Variants in CAMKMT observed in about 807,000 individuals in gnomAD.
The protein encoded by CAMKMT is CaM KMT.
CAMKMT carries 53 observed loss-of-function variants against 48.0 expected under a neutral mutation model. That is an observed-to-expected ratio of 1.10 (90% confidence interval 0.89 to 1.39). The LOEUF (loss-of-function observed/expected upper bound fraction) is 1.39, where lower values mean the gene tolerates loss of function less well. CAMKMT is among the 40% of genes most tolerant of loss of function. The probability of loss-of-function intolerance (pLI) is 0.00; values close to 1 mark genes in which losing one functional copy is unlikely to be tolerated. For synonymous variants in CAMKMT, 165 were observed against 152.3 expected (o/e 1.08, Z -0.61); for missense variants, 428 against 402.7 (o/e 1.06, Z -0.54).
intron 3 of CAMKMT, among the ~76,000 whole-genome samples, chr2:44,567,213 T>G (rs1668661711): frequency 6.6e-6 from 1 of 152,146 alleles, no homozygotes; most frequent in African/African-American, 2.4e-5. Context: ...GGTTTGGTGT[T>G]GGGTTATCCA....
At chr2:44,682,882 A>G (rs1676102563) in intron 3 of CAMKMT, among the ~76,000 whole-genome samples, 1 of 152,246 alleles carries the variant, frequency 6.6e-6, no homozygotes, top group South Asian at 2.1e-4. Context: ...CTGGTAATCA[A>G]AAGAATTGTT....
intron 3 of CAMKMT, among the ~76,000 whole-genome samples, chr2:44,500,370 C>G (rs1230049529): frequency 1.3e-5 from 2 of 152,082 alleles, no homozygotes; most frequent in East Asian, 3.8e-4. Context: ...AACTATCAGA[C>G]TTCAAAAACA....
At chr2:44,525,906 G>A (rs1671380675) in intron 3 of CAMKMT, among the ~76,000 whole-genome samples, 1 of 151,628 alleles carries the variant, frequency 6.6e-6, no homozygotes, top group Non-Finnish European at 1.5e-5. Context: ...TGTGCACAAT[G>A]TGCAGGTTAG....
intron 3 of CAMKMT, among the ~76,000 whole-genome samples, chr2:44,406,388 A>G (rs1275129198): frequency 2.0e-5 from 3 of 152,110 alleles, no homozygotes; most frequent in Non-Finnish European, 4.4e-5. Context: ...TTGATTTATT[A>G]TAAGAGATAT....
At chr2:44,375,697 A>G (rs914739814) in intron 2 of CAMKMT, among the ~76,000 whole-genome samples, 2 of 152,192 alleles carry the variant, frequency 1.3e-5, no homozygotes, top group African/African-American at 4.8e-5. Context: ...CAGAATCATC[A>G]GAGGCTACTG....
In CAMKMT at chr2:44,560,999, A is replaced by T. The variant is rs112354059; in HGVS notation, c.377-143284A>T. Among the ~76,000 whole-genome samples, 283 of 152,348 alleles carry T rather than the reference A, an allele frequency of 1.9e-3. 1 individual carries two copies. The Middle Eastern group carries it at 0.027, about 15-fold the overall frequency. ...AGAGAAAATTAAATCTAAGCAAAAC[A>T]GGAATTGATAAGTATAGCTGCCTTC... is the stretch of plus-strand genomic sequence containing the variant. On this transcript the variant is annotated intron_variant, in intron 3 of 10. Coordinates refer to ENST00000378494, the MANE Select transcript of CAMKMT (RefSeq NM_024766.5).
At chr2:44,391,547 G>C (rs1681342446) in intron 3 of CAMKMT, among the ~76,000 whole-genome samples, 1 of 151,986 alleles carries the variant, frequency 6.6e-6, no homozygotes, top group Non-Finnish European at 1.5e-5. Context: ...TTTAGTTCTG[G>C]GGTAATGTTA....
At chr2:44,502,908 A>AT (rs1039799550) in intron 3 of CAMKMT, among the ~76,000 whole-genome samples, 7 of 152,074 alleles carry the variant, frequency 4.6e-5, no homozygotes, top group Non-Finnish European at 1.0e-4. Flanking sequence ...TATAGAAAAC[A>AT]TTTTTTTAAC....
intron 3 of CAMKMT, among the ~76,000 whole-genome samples, chr2:44,425,854 C>G (rs1684243543): frequency 6.6e-6 from 1 of 152,082 alleles, no homozygotes. Context: ...CCTCAGCCTC[C>G]CAAGTAGCTG....
chr2:44,706,342 G>T lies in CAMKMT; in HGVS notation c.492+1G>T. 1.9e-6 allele frequency: 3 copies of T among 1,613,300 alleles called. No individual in the cohort carries two copies. The highest frequency in any genetic ancestry group is 1.7e-6 in the Non-Finnish European group (2 of 1,179,476). The stretch of plus-strand genomic sequence containing the variant: ...CATGACATGCTTGGCTGGGCTCATG[G>T]TAGGTCTTTTCTCCATTCCAATCCC... On this transcript the variant is annotated splice_donor_variant, in intron 5 of 10. Coordinates refer to ENST00000378494, the MANE Select transcript of CAMKMT (RefSeq NM_024766.5). LOFTEE classifies it high-confidence loss of function.
chr2:44,716,301 C>T (rs1678172117), intron 7 of CAMKMT, among the ~76,000 whole-genome samples: 1 of 152,034 alleles, frequency 6.6e-6, no homozygotes, highest in Admixed American at 6.6e-5. Flanking sequence ...CAGACAAAGC[C>T]CACAGACTGA....
At chr2:44,749,385 A>G (rs1680059915) in intron 8 of CAMKMT, among the ~76,000 whole-genome samples, 1 of 152,204 alleles carries the variant, frequency 6.6e-6, no homozygotes, top group Non-Finnish European at 1.5e-5. Flanking sequence ...AACACCCTAC[A>G]TAAGCTCCTC....
At chr2:44,723,460 G>A (rs920262104) in intron 7 of CAMKMT, among the ~76,000 whole-genome samples, 4 of 151,716 alleles carry the variant, frequency 2.6e-5, no homozygotes, top group African/African-American at 7.3e-5. Context: ...GCGTGTCGGC[G>A]GGCACCTGTA....
At chr2:44,755,975 T>C (rs1680359101) in intron 9 of CAMKMT, among the ~76,000 whole-genome samples, 6 of 152,212 alleles carry the variant, frequency 3.9e-5, no homozygotes, top group Admixed American at 3.9e-4. Flanking sequence ...TTGGAATGGC[T>C]GATACTCAAG....
intron 3 of CAMKMT, among the ~76,000 whole-genome samples, chr2:44,521,542 G>C (rs144616425): frequency 9.7e-4 from 148 of 152,328 alleles, no homozygotes; most frequent in African/African-American, 3.5e-3. Context: ...GCCTCCCAAA[G>C]TGCTGGGATT....
At chr2:44,580,511 T>C (rs546007635) in intron 3 of CAMKMT, among the ~76,000 whole-genome samples, 3 of 152,316 alleles carry the variant, frequency 2.0e-5, no homozygotes, top group Admixed American at 6.5e-5. Flanking sequence ...TCAATCTATA[T>C]TGCATGACTT....
chr2:44,701,247 CA>C (rs1401594159), intron 3 of CAMKMT, among the ~76,000 whole-genome samples: 6 of 152,220 alleles, frequency 3.9e-5, no homozygotes, highest in Admixed American at 3.3e-4. Flanking sequence ...TTCCCACCAG[CA>C]GTGCATCAGG....
chr2:44,501,729 G>C (rs1016837146), intron 3 of CAMKMT, among the ~76,000 whole-genome samples: 1 of 151,990 alleles, frequency 6.6e-6, no homozygotes, highest in Non-Finnish European at 1.5e-5. Context: ...ATTAGAAAAC[G>C]TAAAGGAGCT....
chr2:44,586,002 A>G (rs1669836711), intron 3 of CAMKMT, among the ~76,000 whole-genome samples: 2 of 152,220 alleles, frequency 1.3e-5, no homozygotes, highest in South Asian at 2.1e-4. Context: ...GGGTCCAGAG[A>G]AAAACATTCT....
Sources: gnomAD v4.1 joint callset for allele counts (sites outside exome capture counted in the v4.1 genomes callset) on GRCh38, gnomAD v4.1.1 for gene constraint, MANE v1.5 for transcripts, NCBI Gene and HGNC (gene_info 2026-07-23, HGNC 2026-07-21) for gene names.